The following SLC25A51 variants were observed in gnomAD, a reference collection of about 807,000 sequenced individuals.
SLC25A51 encodes the protein mitochondrial nicotinamide adenine dinucleotide transporter SLC25A51.
Under a neutral mutation model 19.1 loss-of-function variants are expected in SLC25A51, and 11 were observed. That is an observed-to-expected ratio of 0.58 (90% CI 0.36 to 0.96). The LOEUF is 0.96. Ranked by LOEUF, SLC25A51 falls within the 40% of genes least tolerant of loss-of-function variation. The pLI is 0.01. For synonymous variants in SLC25A51, 105 were observed against 133.6 expected (o/e 0.79, Z 1.47); for missense variants, 201 against 365.4 (o/e 0.55, Z 3.67).
intron 1 of SLC25A51, among the ~76,000 whole-genome samples, chr9:37,900,415 C>G (rs1165497011): frequency 6.6e-6 from 1 of 151,296 alleles, no homozygotes; most frequent in African/African-American, 2.4e-5. Context: ...CAGCACTGCA[C>G]TCCAGCCTGG....
chr9:37,882,000 C>T (rs1831357544), intron 2 of SLC25A51, among the ~76,000 whole-genome samples: 1 of 152,126 alleles, frequency 6.6e-6, no homozygotes, highest in African/African-American at 2.4e-5. Flanking sequence ...CTCAAACTAT[C>T]AAACAAAAAT....
At chr9:37,879,480 CAAG>C (rs1357246694) in exon 4 of SLC25A51, 2 of 167,634 alleles carry the variant, frequency 1.2e-5, no homozygotes, top group Non-Finnish European at 2.7e-5. Context: ...AGAAAGGTGA[CAAG>C]AAAATCAGAG....
intron 2 of SLC25A51, among the ~76,000 whole-genome samples, chr9:37,891,237 G>A (rs914894351): frequency 6.6e-6 from 1 of 152,200 alleles, no homozygotes; most frequent in Non-Finnish European, 1.5e-5. Context: ...GGAGGGAGGT[G>A]GGGGGCAGCC....
intron 2 of SLC25A51, among the ~76,000 whole-genome samples, chr9:37,889,974 A>ATAGAAATATATAGAAACTTCTATATAT (rs1831547058): frequency 6.6e-6 from 1 of 151,896 alleles, no homozygotes; most frequent in Non-Finnish European, 1.5e-5. Flanking sequence ...CTTAGATATA[A>ATAGAAATATATAGAAACTTCTATATAT]TAGAAATATA....
At chr9:37,892,511 TCTGAACAATA>T (rs1445953484) in intron 2 of SLC25A51, among the ~76,000 whole-genome samples, 2 of 152,110 alleles carry the variant, frequency 1.3e-5, no homozygotes, top group Non-Finnish European at 2.9e-5. Flanking sequence ...CCCAAGACCC[TCTGAACAATA>T]CTACATTATA....
intron 2 of SLC25A51, among the ~76,000 whole-genome samples, chr9:37,889,355 T>C (rs982578673): frequency 4.6e-5 from 7 of 152,094 alleles, no homozygotes; most frequent in Non-Finnish European, 8.8e-5. Context: ...CACAAACTAA[T>C]AGAATGTGCC....
intron 2 of SLC25A51, among the ~76,000 whole-genome samples, chr9:37,897,373 G>A (rs1422389059): frequency 6.6e-6 from 1 of 151,868 alleles, no homozygotes; most frequent in African/African-American, 2.4e-5. Context: ...ATTATTCATA[G>A]GCTATTTACT....
chr9:37,883,554 C>A (rs771010911), downstream of SLC25A51, among the ~76,000 whole-genome samples: 1 of 152,184 alleles, frequency 6.6e-6, no homozygotes, highest in Non-Finnish European at 1.5e-5. Flanking sequence ...CAAAAGGAAG[C>A]CCAACAAAAC....
At chr9:37,878,041 G>T (rs1465523863), downstream of SLC25A51, 1 of 152,490 alleles carries the variant, frequency 6.6e-6, no homozygotes, top group African/African-American at 2.4e-5. Flanking sequence ...AAAGCAAGAG[G>T]TATCAAATAT....
At chr9:37,879,006 G>A (rs894459624), downstream of SLC25A51, 4 of 265,066 alleles carry the variant, frequency 1.5e-5, no homozygotes, top group South Asian at 1.4e-4. Flanking sequence ...GAGTAGAGTT[G>A]CTTTTGAAAT....
intron 1 of SLC25A51, among the ~76,000 whole-genome samples, chr9:37,902,504 A>G (rs1351335215): frequency 6.6e-6 from 1 of 152,138 alleles, no homozygotes; most frequent in Non-Finnish European, 1.5e-5. Flanking sequence ...TGGTGTGAAT[A>G]TGTTCTTAAT....
At position 37,888,311 on chromosome 9, in the gene SLC25A51, C is replaced by CA. The variant is rs1831507764; in HGVS notation, c.239dup (p.Leu80PhefsTer24). ...TCAATGGGGGAAGGATTCCACGATA[C>CA]AAATTTCGAAATCCATCCCTTCTCA... On this transcript the variant is annotated frameshift_variant, in exon 3 of 3. Coordinates refer to ENST00000242275, the MANE Select transcript of SLC25A51 (RefSeq NM_033412.4). LOFTEE classifies it high-confidence loss of function. The CA allele has an allele frequency of 6.2e-7, 1 of 1,614,128 alleles. No homozygotes were observed. Among genetic ancestry groups the CA allele is most frequent in the Non-Finnish European group, 8.5e-7 (1 of 1,180,050 alleles).
At chr9:37,888,720 A>G in intron 2 of SLC25A51, 128 bp from the exon 3 acceptor site, 5 of 777,444 alleles carry the variant, frequency 6.4e-6, no homozygotes, top group Non-Finnish European at 9.8e-6. Flanking sequence ...AGTGATTCTT[A>G]AAGCATTTTC....
intron 1 of SLC25A51, among the ~76,000 whole-genome samples, chr9:37,900,185 G>A (rs552558201): frequency 1.6e-4 from 24 of 151,028 alleles, no homozygotes; most frequent in Middle Eastern, 3.4e-3. Context: ...GGTGGCTCAC[G>A]CCTGTAATCC....
chr9:37,902,671 AATTT>A (rs1442211789), intron 1 of SLC25A51, among the ~76,000 whole-genome samples: 10 of 152,336 alleles, frequency 6.6e-5, no homozygotes, highest in African/African-American at 2.4e-4. Context: ...TTTATTGCAA[AATTT>A]ATTTACCATA....
At chr9:37,889,874 G>C (rs1299884584) in intron 2 of SLC25A51, among the ~76,000 whole-genome samples, 2 of 151,628 alleles carry the variant, frequency 1.3e-5, no homozygotes, top group Non-Finnish European at 2.9e-5. Flanking sequence ...GATCCAAATA[G>C]CTGGGTCATA....
chr9:37,883,953 T>C (rs1410398424), downstream of SLC25A51, among the ~76,000 whole-genome samples: 1 of 152,250 alleles, frequency 6.6e-6, no homozygotes, highest in Non-Finnish European at 1.5e-5. Context: ...ATGGTCACTG[T>C]ATTTAACCAG....
downstream of SLC25A51, chr9:37,885,590 TGTGA>T (rs1831435494): frequency 2.8e-6 from 2 of 716,720 alleles, no homozygotes; most frequent in African/African-American, 3.5e-5. Flanking sequence ...GGGGTTTCAC[TGTGA>T]GTTTCACTCT....
downstream of SLC25A51, among the ~76,000 whole-genome samples, chr9:37,886,952 A>G (rs1257390761): frequency 3.3e-5 from 5 of 151,776 alleles, no homozygotes; most frequent in African/African-American, 1.2e-4. Flanking sequence ...TCACGAGGTC[A>G]GGAGATCGAG....
Sources: gnomAD v4.1 joint callset for allele counts (sites outside exome capture counted in the v4.1 genomes callset) on GRCh38, gnomAD v4.1.1 for gene constraint, MANE v1.5 for transcripts, NCBI Gene and HGNC (gene_info 2026-07-23, HGNC 2026-07-21) for gene names.